Variants in CRH observed in about 807,000 individuals in gnomAD.
CRH encodes the protein corticotropin releasing hormone.
A neutral mutation model predicts 11.1 loss-of-function variants in CRH; 6 were observed. The ratio of observed to expected loss-of-function variants is 0.54; its 90% CI spans 0.30 to 1.07. The LOEUF is 1.07. CRH is among the 50% of genes least tolerant of loss of function. The pLI is 0.07. For missense variants in CRH, 289 were observed against 269.4 expected, an observed-to-expected ratio of 1.07 and a Z score of -0.51; for synonymous variants, 155 against 132.0, an observed-to-expected ratio of 1.17 and a Z score of -1.19.
Position 66,177,107 on chromosome 8 carries a change from C to T in CRH, c.371G>A (p.Arg124His). ...VLLQQLLLPR[R>H]SLDSPAALAE... ...GAGAGCCGCGGGGCTGTCGAGCGAGCGCCGAGGCAGCAGCAGCTGCTGCAG... is the reference window on the plus strand; with the variant it reads ...GAGAGCCGCGGGGCTGTCGAGCGAGTGCCGAGGCAGCAGCAGCTGCTGCAG... Residue 124 changes from arginine (R) to histidine (H), a missense_variant, in exon 2 of 2, where the codon CGC (arginine) becomes CAC (histidine). By Grantham distance (29) the Arg-to-His change is conservative. Around this residue, in one of 2 missense-constraint regions of CRH, gnomAD observed 261 missense variants for 219.0 expected, o/e 1.19. Coordinates refer to ENST00000276571, the MANE Select transcript of CRH (RefSeq NM_000756.4). The T allele has an allele frequency of 2.5e-6, 4 of 1,576,660 alleles. No homozygotes were observed. Among genetic ancestry groups the T allele is most frequent in the Non-Finnish European group, 3.4e-6 (4 of 1,159,850 alleles).
chr8:66,177,299 T>C lies in CRH; in HGVS notation c.179A>G (p.Gln60Arg). The C allele has an allele frequency of 6.4e-7, 1 of 1,556,094 alleles. No homozygotes were observed. Among genetic ancestry groups the C allele is most frequent in the Non-Finnish European group, 8.7e-7 (1 of 1,155,180 alleles). ...PPQSEQPQQP[Q>R]ARPVLLRMGE... Reference sequence around the variant, plus strand: ...CATGCGGAGCAGGACCGGCCGAGCCTGCGGCTGCTGGGGCTGCTCGGACTG... The same window carrying C: ...CATGCGGAGCAGGACCGGCCGAGCCCGCGGCTGCTGGGGCTGCTCGGACTG... Residue 60 changes from glutamine to arginine, a missense_variant, in exon 2 of 2, where the codon CAG becomes CGG. Coordinates refer to ENST00000276571, the MANE Select transcript of CRH (RefSeq NM_000756.4).
In CRH at chr8:66,177,142, G is replaced by A. The variant is rs1263657925; in HGVS notation, c.336C>T (p.Phe112=). 6.5e-7 allele frequency: 1 copy of A among 1,548,502 alleles called. No homozygotes were observed. The highest frequency in any genetic ancestry group is 2.4e-5 in the East Asian group (1 of 41,186). ...PSPEQATANF[F]RVLLQQLLLP... ...GCAGCAGCTGCTGCAGCAACACGCG[G>A]AAAAAGTTGGCGGTCGCCTGTTCCG... Residue 112 remains phenylalanine, a synonymous_variant, in exon 2 of 2, where the codon TTC becomes TTT. Coordinates refer to ENST00000276571, the MANE Select transcript of CRH (RefSeq NM_000756.4).
At position 66,177,372 on chromosome 8, in the gene CRH, G is replaced by A; in HGVS notation, c.106C>T (p.Gln36Ter). The change falls in exon 2 of 2, where the codon CAG (glutamine) becomes TAG (stop). Residue 36 changes from glutamine to a stop codon, truncating the protein, a stop_gained. Transcript: ENST00000276571. LOFTEE classifies it high-confidence loss of function. ...LSRGPVPGAR[Q>*]APQHPQPLDF... Reference sequence around the variant, plus strand: ...AAGGGCTGAGGGTGCTGCGGCGCCTGCCGAGCTCCCGGGACCGGCCCGCGG... The same window carrying A: ...AAGGGCTGAGGGTGCTGCGGCGCCTACCGAGCTCCCGGGACCGGCCCGCGG... 1 of 1,542,464 alleles carries A rather than the reference G, an allele frequency of 6.5e-7. No individual in the cohort carries two copies. The highest frequency in any genetic ancestry group is 8.7e-7 in the Non-Finnish European group (1 of 1,148,106).
Position 66,177,368 on chromosome 8 carries a change from G to A in CRH, c.110C>T (p.Ala37Val), listed in dbSNP as rs750671648. 1.9e-6 allele frequency: 3 copies of A among 1,542,688 alleles called. No homozygotes were observed. Among genetic ancestry groups the A allele is most frequent in the African/African-American group, 1.4e-5 (1 of 73,114 alleles). The change falls in exon 2 of 2, where the codon GCG becomes GTG. Residue 37 changes from alanine to valine, a missense_variant. Ala to Val is a moderately conservative substitution (Grantham distance 64). Transcript: ENST00000276571. ...ATCCAAGGGCTGAGGGTGCTGCGGC[G>A]CCTGCCGAGCTCCCGGGACCGGCCC... ...SRGPVPGARQAPQHPQPLDFF... is the reference protein window; with the variant it reads ...SRGPVPGARQVPQHPQPLDFF...
chr8:66,176,984 A>G lies in CRH; in HGVS notation c.494T>C (p.Phe165Ser). The G allele has an allele frequency of 6.2e-7, 1 of 1,614,156 alleles. No homozygotes were observed. Among genetic ancestry groups the G allele is most frequent in the Non-Finnish European group, 8.5e-7 (1 of 1,180,012 alleles). Residue 165 changes from phenylalanine to serine, a missense_variant, in exon 2 of 2, where the codon TTC becomes TCC. Phe to Ser is a radical substitution (Grantham distance 155). Coordinates refer to ENST00000276571, the MANE Select transcript of CRH (RefSeq NM_000756.4). ...TTCCAAGACTTCCCGGAGGAGGTGGAAGGTGAGATCCAGGGAGATGGGAGG... is the reference window on the plus strand; with the variant it reads ...TTCCAAGACTTCCCGGAGGAGGTGGGAGGTGAGATCCAGGGAGATGGGAGG... ...EEPPISLDLT[F>S]HLLREVLEMA...
At position 66,176,953 on chromosome 8, in the gene CRH, G is replaced by A; in HGVS notation, c.525C>T (p.Ala175=). 1.9e-6 allele frequency: 3 copies of A among 1,614,152 alleles called. No homozygotes were observed. Among genetic ancestry groups the A allele is most frequent in the South Asian group, 2.2e-5 (2 of 91,082 alleles). The change falls in exon 2 of 2, where the codon GCC becomes GCT. Residue 175 remains alanine (A), a synonymous_variant. Transcript: ENST00000276571. ...CTTGCTGTGCTAACTGCTCGGCCCT[G>A]GCCATTTCCAAGACTTCCCGGAGGA... ...FHLLREVLEM[A]RAEQLAQQAH... is the part of the protein sequence containing the mutation.
Position 66,177,482 on chromosome 8 carries a change from G to T in CRH, c.-5C>A. On this transcript the variant is annotated 5_prime_UTR_variant, in exon 2 of 2. Transcript: ENST00000276571. ...CACAAGCAGCGGCAGCCGCATGTTA[G>T]GGGCACTCGCTGCGGCACAGAGGTG... 1 of 1,533,776 alleles carries T rather than the reference G, an allele frequency of 6.5e-7. No homozygotes were observed.
rs773013453 is a variant in CRH at position 66,177,320 on chromosome 8, G to A, written c.158C>T (p.Ser53Phe). 7 of 1,555,750 alleles carry A rather than the reference G, an allele frequency of 4.5e-6. No individual in the cohort carries two copies. The East Asian group carries it at 1.2e-4, about 27-fold the overall frequency. The part of the protein sequence containing the change: ...PLDFFQPPPQ[S>F]EQPQQPQARP... ...AGCCTGCGGCTGCTGGGGCTGCTCG[G>A]ACTGCGGCGGCGGCTGGAAGAAATC... Residue 53 changes from serine to phenylalanine, a missense_variant, in exon 2 of 2, where the codon TCC (serine) becomes TTC (phenylalanine). This residue lies in a region of CRH where 261 missense variants were observed against 219.0 expected (regional missense o/e 1.19). Coordinates refer to ENST00000276571, the MANE Select transcript of CRH (RefSeq NM_000756.4).
In CRH at chr8:66,176,737, G is replaced by C; in HGVS notation, c.*150C>G. On this transcript the variant is annotated 3_prime_UTR_variant, in exon 2 of 2. Coordinates refer to ENST00000276571, the MANE Select transcript of CRH (RefSeq NM_000756.4). ...ATACACTTTGTGCATGCTAAGTAAG[G>C]GGTATAGGCTCTCTCCCTCTCTCCC... The C allele has an allele frequency of 1.1e-6, 1 of 918,964 alleles. No individual in the cohort carries two copies. Among genetic ancestry groups the C allele is most frequent in the Non-Finnish European group, 1.5e-6 (1 of 653,404 alleles). 56.9% of individuals were successfully genotyped at this position (918,964 alleles called of 1,614,324 possible).
rs1166847662 is a variant in CRH, at chr8:66,177,099, C to G, written c.379G>C (p.Asp127His). 6.9e-6 allele frequency: 11 copies of G among 1,583,390 alleles called. No homozygotes were observed. Among genetic ancestry groups the G allele is most frequent in the South Asian group, 2.3e-5 (2 of 88,690 alleles). ...QQLLLPRRSL[D>H]SPAALAERGA... ...CGCTCCGCGAGAGCCGCGGGGCTGT[C>G]GAGCGAGCGCCGAGGCAGCAGCAGC... The change falls in exon 2 of 2, where the codon GAC (aspartate) becomes CAC (histidine). Residue 127 changes from aspartate (D) to histidine (H), a missense_variant. By Grantham distance (81) the Asp-to-His change is moderately conservative. Transcript: ENST00000276571.
chr8:66,177,164 TC>T lies in CRH; in HGVS notation c.313del (p.Glu105AsnfsTer76). 6.5e-7 allele frequency: 1 copy of T among 1,542,440 alleles called. No individual in the cohort carries two copies. The highest frequency in any genetic ancestry group is 8.7e-7 in the Non-Finnish European group (1 of 1,146,072). The part of the protein sequence containing the change: ...AGGSGSRPSP[E>X]QATANFFRVL... ...GCGGAAAAAGTTGGCGGTCGCCTGT[TC>T]CGGCGAAGGGCGGCTGCCGCTGCCT... On this transcript the variant is annotated frameshift_variant, in exon 2 of 2. Coordinates refer to ENST00000276571, the MANE Select transcript of CRH (RefSeq NM_000756.4). LOFTEE classifies it high-confidence loss of function.
intron 1 of CRH, among the ~76,000 whole-genome samples, chr8:66,178,045 C>T (rs1811933232): frequency 6.6e-6 from 1 of 152,174 alleles, no homozygotes; most frequent in Non-Finnish European, 1.5e-5. Context: ...TCTAAGTTTG[C>T]TTTTGCCACA....
Position 66,177,407 on chromosome 8 carries a change from G to T in CRH, c.71C>A (p.Ala24Glu). The T allele has an allele frequency of 1.9e-6, 3 of 1,539,680 alleles. No homozygotes were observed. Among genetic ancestry groups the T allele is most frequent in the African/African-American group, 1.4e-5 (1 of 72,952 alleles). Residue 24 changes from alanine (A) to glutamate (E), a missense_variant, in exon 2 of 2, where the codon GCG becomes GAG. Coordinates refer to ENST00000276571, the MANE Select transcript of CRH (RefSeq NM_000756.4). The stretch of plus-strand genomic sequence containing the variant: ...CGGGACCGGCCCGCGGCTCAGGAGC[G>T]CCCTGCATGGCGGGCAGGGCAGGAG... The part of the protein sequence containing the change: ...VALLPCPPCR[A>E]LLSRGPVPGA...
At position 66,177,637 on chromosome 8, in the gene CRH, C is replaced by G. The variant is rs905686357; in HGVS notation, c.-14-146G>C. 3.7e-5 allele frequency: 44 copies of G among 1,194,748 alleles called. No homozygotes were observed. The African/African-American group carries it at 5.2e-4, about 14-fold the overall frequency. The allele number at this position is 1,194,748 out of a possible 1,614,324, so 74.0% of individuals were successfully genotyped here. ...GTGCTGGGCTTTGGCCTCAGTGATT[C>G]GGATGGGCGCTGTCCGCGGTGCTGA... On this transcript the variant is annotated intron_variant, in intron 1 of 1. Coordinates refer to ENST00000276571, the MANE Select transcript of CRH (RefSeq NM_000756.4).
At chr8:66,177,638 G>A (rs1045633159) in intron 1 of CRH, 147 bp from the exon 2 acceptor site, 1 of 1,196,522 alleles carries the variant, frequency 8.4e-7, no homozygotes, top group African/African-American at 1.6e-5. Flanking sequence ...TCAGTGATTC[G>A]GATGGGCGCT....
intron 1 of CRH, among the ~76,000 whole-genome samples, chr8:66,178,084 T>C (rs1365591032): frequency 6.6e-6 from 1 of 151,990 alleles, no homozygotes; most frequent in East Asian, 1.9e-4. Context: ...TCTTAAGGAA[T>C]AGTCCGCGAA....
rs1237697977 is a variant in CRH at position 66,177,522 on chromosome 8, TGA to T, written c.-14-33_-14-32del. ...GCACAGAGGTGGGCGGAGGGCGGAA[TGA>T]GAGAGGGGAAGAGAGAAAGAAAGAG... On this transcript the variant is annotated intron_variant, in intron 1 of 1. Coordinates refer to ENST00000276571, the MANE Select transcript of CRH (RefSeq NM_000756.4). 2.0e-6 allele frequency: 3 copies of T among 1,510,978 alleles called. No homozygotes were observed. The Admixed American group carries it at 6.3e-5, about 32-fold the overall frequency. The allele number at this position is 1,510,978 out of a possible 1,614,324, so 93.6% of individuals were successfully genotyped here. A position where few individuals can be genotyped will look rare whatever the true frequency, so the allele number is the denominator to read the frequency against.
chr8:66,177,333 G>C lies in CRH; in HGVS notation c.145C>G (p.Pro49Ala). 6.4e-7 allele frequency: 1 copy of C among 1,553,852 alleles called. No homozygotes were observed. Among genetic ancestry groups the C allele is most frequent in the Non-Finnish European group, 8.7e-7 (1 of 1,154,412 alleles). Residue 49 changes from proline (P) to alanine (A), a missense_variant, in exon 2 of 2, where the codon CCG (proline) becomes GCG (alanine). Pro to Ala is a conservative substitution (Grantham distance 27, BLOSUM62 -1). Coordinates refer to ENST00000276571, the MANE Select transcript of CRH (RefSeq NM_000756.4). ...QHPQPLDFFQ[P>A]PPQSEQPQQP... ...TGGGGCTGCTCGGACTGCGGCGGCG[G>C]CTGGAAGAAATCCAAGGGCTGAGGG...
rs1811939730 is a variant in CRH at position 66,178,402 on chromosome 8, T to G, written c.-124A>C. 6.6e-6 allele frequency: 1 copy of G among 152,318 alleles called. No homozygotes were observed. Among genetic ancestry groups the G allele is most frequent in the Non-Finnish European group, 1.5e-5 (1 of 68,134 alleles). 9.4% of individuals were successfully genotyped at this position (152,318 alleles called of 1,614,324 possible). A position where few individuals can be genotyped will look rare whatever the true frequency, so the allele number is the denominator to read the frequency against. On this transcript the variant is annotated 5_prime_UTR_variant, in exon 1 of 2. Coordinates refer to ENST00000276571, the MANE Select transcript of CRH (RefSeq NM_000756.4). The stretch of plus-strand genomic sequence containing the variant: ...TCCTTTCTCTTTACTGTTCCCACTC[T>G]CTTTTTCTTTCTCTCCTCTCTTTCC...
Sources: allele counts gnomAD v4.1 joint callset (sites outside exome capture counted in the v4.1 genomes callset), GRCh38; gene constraint gnomAD v4.1.1; regional missense constraint gnomAD v4.1.1; transcripts MANE v1.5; gene names NCBI Gene and HGNC (gene_info 2026-07-23, HGNC 2026-07-21).